SGCZ: variants seen among roughly 807,000 people sequenced by gnomAD.
SGCZ encodes the protein sarcoglycan zeta.
Under a neutral mutation model 41.3 loss-of-function variants are expected in SGCZ, and 40 were observed. That is an observed-to-expected ratio of 0.97 (90% CI 0.75 to 1.26). The LOEUF (loss-of-function observed/expected upper bound fraction) is 1.26. Among genes scored for constraint, SGCZ ranks in the 50% most tolerant of loss-of-function variants. SGCZ has a pLI of 0.00. For missense variants in SGCZ, 552 were observed against 369.8 expected, an observed-to-expected ratio of 1.49 and a Z score of -4.04; for synonymous variants, 206 against 137.5, an observed-to-expected ratio of 1.50 and a Z score of -3.49.
At chr8:14,789,157 C>G (rs1800869571) in intron 1 of SGCZ, among the ~76,000 whole-genome samples, 1 of 152,032 alleles carries the variant, frequency 6.6e-6, no homozygotes, top group African/African-American at 2.4e-5. Context: ...AAACACTGGG[C>G]ACTATGCACG....
chr8:14,675,831 C>T (rs953314656), intron 1 of SGCZ, among the ~76,000 whole-genome samples: 1 of 152,122 alleles, frequency 6.6e-6, no homozygotes. Context: ...GAATGAATTT[C>T]CAAACTGCTG....
chr8:14,132,722 C>A (rs1478045), intron 5 of SGCZ, among the ~76,000 whole-genome samples: 7 of 152,138 alleles, frequency 4.6e-5, no homozygotes, highest in African/African-American at 1.7e-4. Context: ...GTAGCCTTTT[C>A]ATTTCTGTTT....
At chr8:14,879,363 G>C (rs190076708) in intron 1 of SGCZ, 1 of 151,774 alleles carries the variant, frequency 6.6e-6, no homozygotes, top group Non-Finnish European at 1.5e-5. Context: ...AATAAAAAAA[G>C]ACCAGAAAAA....
intron 5 of SGCZ, among the ~76,000 whole-genome samples, chr8:14,152,988 G>T (rs1803756123): frequency 6.6e-6 from 1 of 152,002 alleles, no homozygotes; most frequent in Non-Finnish European, 1.5e-5. Context: ...CTGTAGAAAT[G>T]AAGAACAAAT....
intron 1 of SGCZ, among the ~76,000 whole-genome samples, chr8:14,581,474 C>A (rs62498441): frequency 0.17 from 25,775 of 151,276 alleles, 2,689 homozygotes; most frequent in Non-Finnish European, 0.23. Context: ...CCACAGTGCT[C>A]AATGTGCATT....
chr8:15,176,713 A>G (rs1800009799), intron 1 of SGCZ, among the ~76,000 whole-genome samples: 1 of 152,232 alleles, frequency 6.6e-6, no homozygotes, highest in Non-Finnish European at 1.5e-5. Context: ...AAAAGAAACT[A>G]TATGTTGGCC....
chr8:14,119,129 T>C (rs569549634), intron 5 of SGCZ, among the ~76,000 whole-genome samples: 54 of 152,162 alleles, frequency 3.5e-4, no homozygotes, highest in Non-Finnish European at 7.1e-4. Flanking sequence ...GGGGATAGCA[T>C]TGAATCTATA....
At chr8:14,470,411 A>T (rs750754827) in intron 2 of SGCZ, among the ~76,000 whole-genome samples, 1 of 152,170 alleles carries the variant, frequency 6.6e-6, no homozygotes, top group African/African-American at 2.4e-5. Flanking sequence ...TATGAGGTAG[A>T]TGCTATTATT....
At chr8:14,131,553 A>C (rs1803041506) in intron 5 of SGCZ, among the ~76,000 whole-genome samples, 1 of 152,078 alleles carries the variant, frequency 6.6e-6, no homozygotes, top group African/African-American at 2.4e-5. Context: ...TTGCTGCTTT[A>C]TACATTCCCT....
intron 3 of SGCZ, among the ~76,000 whole-genome samples, chr8:14,295,683 A>G (rs994044538): frequency 6.6e-6 from 1 of 152,144 alleles, no homozygotes; most frequent in Non-Finnish European, 1.5e-5. Flanking sequence ...ATGAAAACTA[A>G]TGGGGTGAAT....
intron 1 of SGCZ, among the ~76,000 whole-genome samples, chr8:14,722,835 T>C (rs762995798): frequency 2.0e-5 from 3 of 152,200 alleles, no homozygotes; most frequent in Non-Finnish European, 4.4e-5. Flanking sequence ...TGTATATTTA[T>C]ATAAGTATGT....
intron 1 of SGCZ, among the ~76,000 whole-genome samples, chr8:14,631,770 G>C (rs1806663604): frequency 6.6e-6 from 1 of 152,060 alleles, no homozygotes; most frequent in African/African-American, 2.4e-5. Flanking sequence ...TTATAGAACT[G>C]AGAGTTAGGA....
At chr8:14,313,899 A>G (rs1801626557) in intron 3 of SGCZ, among the ~76,000 whole-genome samples, 2 of 143,130 alleles carry the variant, frequency 1.4e-5, no homozygotes, top group Admixed American at 7.3e-5. Context: ...GTATAGGGTT[A>G]TATCATCTCT....
At chr8:14,617,402 A>G (rs1806140465) in intron 1 of SGCZ, among the ~76,000 whole-genome samples, 6 of 152,164 alleles carry the variant, frequency 3.9e-5, no homozygotes, top group Admixed American at 3.9e-4. Flanking sequence ...ACTGTTCAAA[A>G]TTATCACGTT....
At chr8:14,517,569 C>G (rs1388439543) in intron 2 of SGCZ, among the ~76,000 whole-genome samples, 1 of 151,718 alleles carries the variant, frequency 6.6e-6, no homozygotes, top group Non-Finnish European at 1.5e-5. Flanking sequence ...TTCTTATATG[C>G]CAGATAAATT....
Position 14,418,283 on chromosome 8 carries a change from C to T in SGCZ, c.235-94079G>A, listed in dbSNP as rs145855997. ...TTCCTGAGGGCTGGAGAACTGAGGC[C>T]TAATGTTTAACAAATGTGAAGAGTA... On this transcript the variant is annotated intron_variant, in intron 2 of 7. Coordinates refer to ENST00000382080, the MANE Select transcript of SGCZ (RefSeq NM_139167.4). Among the ~76,000 whole-genome samples, 764 of 151,940 alleles carry T rather than the reference C, an allele frequency of 5.0e-3. 9 individuals carry two copies. Among genetic ancestry groups the T allele is most frequent in the African/African-American group, 0.017 (700 of 41,478 alleles).
At chr8:14,813,956 A>C (rs1241298026) in intron 1 of SGCZ, among the ~76,000 whole-genome samples, 1 of 135,254 alleles carries the variant, frequency 7.4e-6, no homozygotes, top group Non-Finnish European at 1.5e-5. Context: ...ATGTCTCAAA[A>C]CTAACTAAGC....
chr8:14,798,793 T>A (rs1411446328), intron 1 of SGCZ, among the ~76,000 whole-genome samples: 1 of 152,110 alleles, frequency 6.6e-6, no homozygotes, highest in Non-Finnish European at 1.5e-5. Context: ...AAAAAGTCCA[T>A]TCTATTATAA....
intron 1 of SGCZ, among the ~76,000 whole-genome samples, chr8:14,563,650 G>C (rs1283977295): frequency 2.6e-5 from 4 of 151,964 alleles, no homozygotes; most frequent in Non-Finnish European, 5.9e-5. Flanking sequence ...CTGGCAATAA[G>C]AACTAAGTTT....
Sources: gnomAD v4.1 joint callset for allele counts (sites outside exome capture counted in the v4.1 genomes callset) on GRCh38, gnomAD v4.1.1 for gene constraint, MANE v1.5 for transcripts, NCBI Gene and HGNC (gene_info 2026-07-23, HGNC 2026-07-21) for gene names.